The following ILDR1 variants were observed in gnomAD, a reference collection of about 807,000 sequenced individuals.
ILDR1 encodes the protein immunoglobulin-like domain-containing receptor 1.
Under a neutral mutation model 62.4 loss-of-function variants are expected in ILDR1, and 56 were observed. The observed-to-expected ratio is 0.90, with a 90% CI of 0.72 to 1.12. The LOEUF (loss-of-function observed/expected upper bound fraction) is 1.12, where lower values mean the gene tolerates loss of function less well. ILDR1 is among the 50% of genes most tolerant of loss of function. The probability of loss-of-function intolerance (pLI) is 0.00; values close to 1 mark genes in which losing one functional copy is unlikely to be tolerated. For synonymous variants in ILDR1, 284 were observed against 277.8 expected (o/e 1.02, Z -0.22); for missense variants, 736 against 710.6 (o/e 1.04, Z -0.41).
intron 7 of ILDR1, 140 bp downstream of exon 7, chr3:121,993,010 C>A (rs751835251): frequency 1.3e-6 from 1 of 741,354 alleles, no homozygotes; most frequent in Non-Finnish European, 2.4e-6. Flanking sequence ...TCCACCTAGC[C>A]CACAGTGTAA....
intron 3 of ILDR1, among the ~76,000 whole-genome samples, chr3:122,004,022 A>C (rs956583935): frequency 6.7e-6 from 1 of 148,222 alleles, no homozygotes; most frequent in African/African-American, 2.5e-5. Flanking sequence ...TCAGATGCCG[A>C]ATGTAAAAAA....
intron 5 of ILDR1, among the ~76,000 whole-genome samples, chr3:121,998,222 C>T (rs572643358): frequency 6.6e-6 from 1 of 152,352 alleles, no homozygotes; most frequent in African/African-American, 2.4e-5. Flanking sequence ...GCCACTCCTA[C>T]CAGCTTCATC....
At chr3:121,994,788 C>A (rs76763261) in intron 5 of ILDR1, among the ~76,000 whole-genome samples, 2 of 152,180 alleles carry the variant, frequency 1.3e-5, no homozygotes, top group Admixed American at 6.5e-5. Flanking sequence ...GGGCATGATA[C>A]TGAAGATAAT....
chr3:122,055,535 G>A, the ILDR1 span: 2 of 1,610,436 alleles, frequency 1.2e-6, no homozygotes, highest in South Asian at 1.1e-5. Flanking sequence ...TTGCAGAGAA[G>A]TTATGAGTTG....
chr3:122,003,316 T>G (rs897279699), intron 3 of ILDR1, among the ~76,000 whole-genome samples: 1 of 152,240 alleles, frequency 6.6e-6, no homozygotes, highest in Non-Finnish European at 1.5e-5. Flanking sequence ...TAACTTTGAC[T>G]TCTGTTTCCT....
At chr3:122,037,361 C>A in the ILDR1 span, among the ~76,000 whole-genome samples, 1 of 152,234 alleles carries the variant, frequency 6.6e-6, no homozygotes, top group African/African-American at 2.4e-5. Flanking sequence ...GTGGAGCCAC[C>A]CAAGGCTGTG....
chr3:122,030,621 TTTTCTCTC>T, the ILDR1 span, among the ~76,000 whole-genome samples: 3 of 101,224 alleles, frequency 3.0e-5, no homozygotes, highest in African/African-American at 4.1e-5. Flanking sequence ...AGGCAAGGGT[TTTTCTCTC>T]TCTCTCTCTC....
chr3:122,041,636 T>A, the ILDR1 span, among the ~76,000 whole-genome samples: 16 of 152,202 alleles, frequency 1.1e-4, no homozygotes, highest in Admixed American at 5.9e-4. Context: ...TTGTTTAAGT[T>A]TATTCCTAAG....
At chr3:122,029,361 G>A in the ILDR1 span, among the ~76,000 whole-genome samples, 1 of 151,880 alleles carries the variant, frequency 6.6e-6, no homozygotes, top group Non-Finnish European at 1.5e-5. Flanking sequence ...ACAAAAATTA[G>A]CCAGGCGTGG....
intron 1 of ILDR1, among the ~76,000 whole-genome samples, chr3:122,019,093 T>A (rs532259170): frequency 6.6e-6 from 1 of 152,186 alleles, no homozygotes; most frequent in Non-Finnish European, 1.5e-5. Context: ...ATGACACACA[T>A]CCTTTTAGAG....
chr3:122,038,956 A>T, the ILDR1 span, among the ~76,000 whole-genome samples: 1 of 151,604 alleles, frequency 6.6e-6, no homozygotes, highest in Non-Finnish European at 1.5e-5. Flanking sequence ...CCTGTGTGTA[A>T]AATTATTAAT....
chr3:122,021,755 G>C (rs1220914797), intron 1 of ILDR1, among the ~76,000 whole-genome samples: 2 of 152,236 alleles, frequency 1.3e-5, no homozygotes, highest in African/African-American at 4.8e-5. Context: ...ACTGCCTAAT[G>C]ACTGCAGGAA....
At chr3:122,027,957 T>C in the ILDR1 span, among the ~76,000 whole-genome samples, 1 of 152,184 alleles carries the variant, frequency 6.6e-6, no homozygotes, top group East Asian at 1.9e-4. Flanking sequence ...CCTTAATCTT[T>C]GGGATCTGAT....
At chr3:122,027,573 C>A in the ILDR1 span, among the ~76,000 whole-genome samples, 2 of 152,242 alleles carry the variant, frequency 1.3e-5, no homozygotes, top group South Asian at 4.1e-4. Context: ...TTAAGGATGA[C>A]AATTCTTCCC....
At chr3:122,001,965 AT>A in intron 3 of ILDR1, 101 bp from the exon 4 acceptor site, 1 of 1,359,170 alleles carries the variant, frequency 7.4e-7, no homozygotes, top group Non-Finnish European at 1.0e-6. Context: ...AAGACCTTGT[AT>A]TTACAAAAAA....
the ILDR1 span, among the ~76,000 whole-genome samples, chr3:122,047,810 G>A: frequency 2.6e-5 from 4 of 152,246 alleles, no homozygotes; most frequent in Non-Finnish European, 4.4e-5. Context: ...TGCGCCCACT[G>A]TCTGGCACTC....
At chr3:122,018,869 CT>C (rs1253161555) in intron 1 of ILDR1, among the ~76,000 whole-genome samples, 2 of 152,192 alleles carry the variant, frequency 1.3e-5, no homozygotes. Flanking sequence ...TATCAGGGAA[CT>C]TTGTAAGATT....
At chr3:122,053,312 C>T in the ILDR1 span, among the ~76,000 whole-genome samples, 2 of 151,974 alleles carry the variant, frequency 1.3e-5, no homozygotes, top group Admixed American at 1.3e-4. Flanking sequence ...TTTGTTGTTT[C>T]TTCTGCAAAG....
rs2071390655 is a variant in ILDR1 at position 121,993,636 on chromosome 3, G to A, written c.1113C>T (p.His371=). Residue 371 remains histidine, a synonymous_variant, in exon 7 of 8, where the codon CAC becomes CAT. Coordinates refer to ENST00000344209, the MANE Select transcript of ILDR1 (RefSeq NM_001199799.2). ...GCTCCTGGTGGAAATCAGGGTAATGGTGGTGGCTTCTCCCCTCCCTCAGAT... is the reference window on the plus strand; with the variant it reads ...GCTCCTGGTGGAAATCAGGGTAATGATGGTGGCTTCTCCCCTCCCTCAGAT... ...PWDLREGRSH[H]HYPDFHQELQ... The A allele has an allele frequency of 6.2e-7, 1 of 1,614,112 alleles. No homozygotes were observed. The highest frequency in any genetic ancestry group is 8.5e-7 in the Non-Finnish European group (1 of 1,180,048).
Sources: gnomAD v4.1 joint callset for allele counts (sites outside exome capture counted in the v4.1 genomes callset) on GRCh38, gnomAD v4.1.1 for gene constraint, MANE v1.5 for transcripts, NCBI Gene and HGNC (gene_info 2026-07-23, HGNC 2026-07-21) for gene names.